OPRD1: variants seen among roughly 807,000 people sequenced by gnomAD.
OPRD1 encodes delta-type opioid receptor.
OPRD1 carries 19 observed loss-of-function variants against 17.5 expected under a neutral mutation model. The observed-to-expected ratio is 1.09, with a 90% CI of 0.76 to 1.60. OPRD1 has a LOEUF of 1.60. Among genes scored for constraint, OPRD1 ranks in the 40% most tolerant of loss-of-function variants. The probability of loss-of-function intolerance (pLI) is 0.00; values close to 1 mark genes in which losing one functional copy is unlikely to be tolerated. For synonymous variants in OPRD1, 256 were observed against 240.9 expected (o/e 1.06, Z -0.58); for missense variants, 483 against 547.2 (o/e 0.88, Z 1.17).
chr1:28,824,340 C>T (rs1569609296), intron 1 of OPRD1, among the ~76,000 whole-genome samples: 1 of 123,708 alleles, frequency 8.1e-6, no homozygotes, highest in South Asian at 2.5e-4. Context: ...TTTGAGATGG[C>T]GTCTGGCTCT....
intron 1 of OPRD1, among the ~76,000 whole-genome samples, chr1:28,820,226 G>A (rs560738476): frequency 2.2e-5 from 3 of 135,892 alleles, no homozygotes; most frequent in East Asian, 4.1e-4. Context: ...AGATAGTCTC[G>A]CTCTGTTGCC....
chr1:28,824,728 C>G (rs1557569805), intron 1 of OPRD1, among the ~76,000 whole-genome samples: 1 of 152,062 alleles, frequency 6.6e-6, no homozygotes, highest in African/African-American at 2.4e-5. Context: ...GTGTGTTGCC[C>G]CCATTGTATA....
chr1:28,837,562 C>T (rs1354629750), intron 1 of OPRD1, among the ~76,000 whole-genome samples: 1 of 151,440 alleles, frequency 6.6e-6, no homozygotes, highest in African/African-American at 2.4e-5. Context: ...GCAAGAGAAT[C>T]ACTTGAACCC....
At chr1:28,855,847 A>G (rs936506406) in intron 1 of OPRD1, among the ~76,000 whole-genome samples, 19 of 152,212 alleles carry the variant, frequency 1.2e-4, no homozygotes, top group African/African-American at 3.4e-4. Flanking sequence ...GAGACTTGCA[A>G]TTCTGCTGTA....
rs2089208457 is a variant in OPRD1 at position 28,870,567 on chromosome 1, G to C, written c.*7284G>C. The stretch of plus-strand genomic sequence containing the variant: ...CCAACCCATGGTTCTTAATGCTGCA[G>C]GTGGGTCCGGAGAAAGGCTTTTCTC... On this transcript the variant is annotated 3_prime_UTR_variant, in exon 3 of 3. Coordinates refer to ENST00000234961, the MANE Select transcript of OPRD1 (RefSeq NM_000911.4). The C allele has an allele frequency of 6.6e-6, 1 of 152,218 alleles. No homozygotes were observed. The highest frequency in any genetic ancestry group is 2.4e-5 in the African/African-American group (1 of 41,430). The allele number at this position is 152,218 out of a possible 1,614,324, so 9.4% of individuals were successfully genotyped here.
At chr1:28,848,204 G>A (rs1451544853) in intron 1 of OPRD1, among the ~76,000 whole-genome samples, 1 of 151,882 alleles carries the variant, frequency 6.6e-6, no homozygotes, top group South Asian at 2.1e-4. Context: ...AGCCGAGATC[G>A]TGCCACTGCA....
At chr1:28,847,976 C>T (rs753100286) in intron 1 of OPRD1, among the ~76,000 whole-genome samples, 3 of 151,948 alleles carry the variant, frequency 2.0e-5, no homozygotes, top group Non-Finnish European at 4.4e-5. Context: ...TTGCCAGGCA[C>T]GGTGGCTCAT....
rs948805072 is a variant in OPRD1 at position 28,869,787 on chromosome 1, A to C, written c.*6504A>C. ...TCCAGCTCACAGTCACAGGCTGAGC[A>C]TTCCCTGTGCTGGGTTCTGTACCTC... On this transcript the variant is annotated 3_prime_UTR_variant, in exon 3 of 3. Coordinates refer to ENST00000234961, the MANE Select transcript of OPRD1 (RefSeq NM_000911.4). 2 of 152,192 alleles carry C rather than the reference A, an allele frequency of 1.3e-5. No individual in the cohort carries two copies. Among genetic ancestry groups the C allele is most frequent in the Admixed American group, 6.5e-5 (1 of 15,268 alleles). The allele number at this position is 152,192 out of a possible 1,614,324, so 9.4% of individuals were successfully genotyped here. A position where few individuals can be genotyped will look rare whatever the true frequency, so the allele number is the denominator to read the frequency against.
At chr1:28,860,093 A>T (rs1200123068) in intron 2 of OPRD1, among the ~76,000 whole-genome samples, 1 of 152,158 alleles carries the variant, frequency 6.6e-6, no homozygotes, top group Non-Finnish European at 1.5e-5. Flanking sequence ...GGTTGGGTGC[A>T]GTGGCTCATG....
At position 28,831,676 on chromosome 1, in the gene OPRD1, C is replaced by G. The variant is rs538273373; in HGVS notation, c.227+19066C>G. 9.3e-4 allele frequency among the ~76,000 whole-genome samples: 141 copies of G among 152,290 alleles called. 1 individual carries two copies. Among genetic ancestry groups the G allele is most frequent in the African/African-American group, 3.3e-3 (137 of 41,576 alleles). ...CCTCCCACCTTAGCCTCCTGAGTAG[C>G]TGGGACCACAGGCACCACCATGCCT... is the stretch of plus-strand genomic sequence containing the variant. On this transcript the variant is annotated intron_variant, in intron 1 of 2. Coordinates refer to ENST00000234961, the MANE Select transcript of OPRD1 (RefSeq NM_000911.4).
chr1:28,845,796 A>G (rs200112452), intron 1 of OPRD1, among the ~76,000 whole-genome samples: 2 of 53,604 alleles, frequency 3.7e-5, no homozygotes, highest in African/African-American at 8.0e-5. Context: ...TTTGTAACAG[A>G]AAAAAAAATT....
chr1:28,846,866 C>CT (rs376555355), intron 1 of OPRD1, among the ~76,000 whole-genome samples: 3 of 54,478 alleles, frequency 5.5e-5, no homozygotes, highest in African/African-American at 1.2e-4. Flanking sequence ...TTCTTTCTTT[C>CT]TTTCTTTCTT....
chr1:28,819,723 C>T (rs1245168576), intron 1 of OPRD1, among the ~76,000 whole-genome samples: 1 of 152,198 alleles, frequency 6.6e-6, no homozygotes, highest in African/African-American at 2.4e-5. Context: ...TCCAAAATCA[C>T]TCCATGTTTC....
rs2089206103 is a variant in OPRD1, at chr1:28,870,275, A to T, written c.*6992A>T. On this transcript the variant is annotated 3_prime_UTR_variant, in exon 3 of 3. Coordinates refer to ENST00000234961, the MANE Select transcript of OPRD1 (RefSeq NM_000911.4). ...TTCTTTCTTTTTTTTTTTTTAAGAC[A>T]GAGTCTCACTCTGTCACCCAGGCTG... 6.8e-6 allele frequency: 1 copy of T among 146,818 alleles called. No individual in the cohort carries two copies. Among genetic ancestry groups the T allele is most frequent in the Non-Finnish European group, 1.5e-5 (1 of 67,156 alleles). 9.1% of individuals were successfully genotyped at this position (146,818 alleles called of 1,614,324 possible). A position where few individuals can be genotyped will look rare whatever the true frequency, so the allele number is the denominator to read the frequency against.
At chr1:28,847,390 G>A (rs1569638026) in intron 1 of OPRD1, among the ~76,000 whole-genome samples, 1 of 152,148 alleles carries the variant, frequency 6.6e-6, no homozygotes, top group Non-Finnish European at 1.5e-5. Context: ...CACCTCAGAG[G>A]TGACAGGACC....
chr1:28,814,236 C>T (rs2236860), intron 1 of OPRD1, among the ~76,000 whole-genome samples: 42,111 of 152,038 alleles, frequency 0.28, 6,027 homozygotes, highest in Middle Eastern at 0.41. Flanking sequence ...CGAACTGGCT[C>T]TGTGACTTGG....
At chr1:28,837,319 A>G (rs1216041989) in intron 1 of OPRD1, among the ~76,000 whole-genome samples, 2 of 152,006 alleles carry the variant, frequency 1.3e-5, no homozygotes, top group East Asian at 1.9e-4. Flanking sequence ...TCACTCGCCC[A>G]CTGCTCACCT....
chr1:28,825,255 CCAAGGCTGGACTAGAA>C, intron 1 of OPRD1, among the ~76,000 whole-genome samples: 1 of 152,176 alleles, frequency 6.6e-6, no homozygotes, highest in Non-Finnish European at 1.5e-5. Flanking sequence ...GAGTCCATGG[CCAAGGCTGGACTAGAA>C]CTGCTTTTCC....
intron 1 of OPRD1, among the ~76,000 whole-genome samples, chr1:28,828,018 G>C (rs2088780590): frequency 6.6e-6 from 1 of 152,202 alleles, no homozygotes; most frequent in East Asian, 1.9e-4. Flanking sequence ...TTACAGGTGT[G>C]AGCCACCACA....
Sources: gnomAD v4.1 joint callset for allele counts (sites outside exome capture counted in the v4.1 genomes callset) on GRCh38, gnomAD v4.1.1 for gene constraint, MANE v1.5 for transcripts, NCBI Gene and HGNC (gene_info 2026-07-23, HGNC 2026-07-21) for gene names.